Variants in MDGA2 observed in about 807,000 individuals in gnomAD.
The protein encoded by MDGA2 is MAM domain containing glycosylphosphatidylinositol anchor 2, also known as MAM domain-containing glycosylphosphatidylinositol anchor protein 2.
In MDGA2, 40 loss-of-function variants were observed where a neutral mutation model predicts 117.8. The observed-to-expected ratio is 0.34, with a 90% confidence interval of 0.26 to 0.44. The LOEUF is 0.44. Ranked by LOEUF, MDGA2 falls within the 20% of genes least tolerant of loss-of-function variation. The pLI is 1.00. For missense variants in MDGA2, 1,123 were observed against 1,250.6 expected (o/e 0.90, Z 1.54); for synonymous variants, 452 against 439.0 (o/e 1.03, Z -0.37).
intron 3 of MDGA2, 32 bp downstream of exon 3, chr14:47,217,989 C>G: frequency 6.8e-7 from 1 of 1,465,640 alleles, no homozygotes; most frequent in Non-Finnish European, 9.1e-7. Context: ...CCATAATAGG[C>G]TTAATTATAG....
chr14:47,164,343 A>G (rs1042002681), intron 3 of MDGA2, among the ~76,000 whole-genome samples: 1 of 152,116 alleles, frequency 6.6e-6, no homozygotes, highest in African/African-American at 2.4e-5. Flanking sequence ...AATTTTTACA[A>G]TCTCCTCATC....
intron 8 of MDGA2, among the ~76,000 whole-genome samples, chr14:46,982,661 A>G (rs2138389462): frequency 7.3e-6 from 1 of 136,830 alleles, no homozygotes. Flanking sequence ...ATGAGCCGAG[A>G]TCACGCCACT....
At position 47,010,657 on chromosome 14, in the gene MDGA2, G is replaced by A. The variant is rs1247188651; in HGVS notation, c.1819+24354C>T. On this transcript the variant is annotated intron_variant, in intron 8 of 16. Transcript: ENST00000399232. ...AAATTTTGCATTGTATTGTTGACTCGCCTAAGTGTCCCCACAAAATGTCAT... is the reference window on the plus strand; with the variant it reads ...AAATTTTGCATTGTATTGTTGACTCACCTAAGTGTCCCCACAAAATGTCAT... 6.6e-5 allele frequency among the ~76,000 whole-genome samples: 10 copies of A among 151,940 alleles called. 1 individual carries two copies. In the South Asian group the frequency reaches 8.3e-4, roughly 13 times the overall value.
intron 7 of MDGA2, among the ~76,000 whole-genome samples, chr14:47,058,342 C>A (rs1039721211): frequency 6.6e-6 from 1 of 152,126 alleles, no homozygotes; most frequent in Non-Finnish European, 1.5e-5. Context: ...CAGCTACTGA[C>A]CATTTGGTCA....
intron 1 of MDGA2, among the ~76,000 whole-genome samples, chr14:47,312,334 G>A (rs1350551891): frequency 1.3e-5 from 2 of 151,980 alleles, no homozygotes; most frequent in East Asian, 3.9e-4. Flanking sequence ...AGGCTCCCAG[G>A]GCTGAGCCTC....
At chr14:47,066,122 A>G (rs1488925973) in intron 6 of MDGA2, among the ~76,000 whole-genome samples, 1 of 152,200 alleles carries the variant, frequency 6.6e-6, no homozygotes, top group African/African-American at 2.4e-5. Context: ...AGTAAACGAT[A>G]GTATGTATAA....
chr14:47,489,283 A>T (rs560946119), intron 1 of MDGA2, among the ~76,000 whole-genome samples: 1 of 152,118 alleles, frequency 6.6e-6, no homozygotes, highest in Non-Finnish European at 1.5e-5. Context: ...CAAATTTATA[A>T]ATGAAATTCA....
At chr14:47,217,128 A>G (rs1001151620) in intron 3 of MDGA2, among the ~76,000 whole-genome samples, 3 of 152,136 alleles carry the variant, frequency 2.0e-5, no homozygotes, top group Admixed American at 6.6e-5. Context: ...GCCCCTTGCT[A>G]ACTAGGTAAC....
intron 1 of MDGA2, among the ~76,000 whole-genome samples, chr14:47,513,685 T>C (rs922858824): frequency 6.6e-6 from 1 of 152,084 alleles, no homozygotes; most frequent in African/African-American, 2.4e-5. Flanking sequence ...GAACCATAAA[T>C]AAATGATAGC....
intron 2 of MDGA2, among the ~76,000 whole-genome samples, chr14:47,287,169 C>T (rs1461891418): frequency 2.0e-5 from 3 of 151,898 alleles, no homozygotes; most frequent in Non-Finnish European, 4.4e-5. Context: ...TGTTTGACTC[C>T]AAAGCCTATA....
chr14:47,085,913 A>G (rs1233827411), intron 6 of MDGA2, among the ~76,000 whole-genome samples: 3 of 152,106 alleles, frequency 2.0e-5, no homozygotes, highest in African/African-American at 7.2e-5. Flanking sequence ...AATTAAAGAG[A>G]AAGTAACACT....
At chr14:47,520,974 C>A (rs761606977) in intron 1 of MDGA2, among the ~76,000 whole-genome samples, 1 of 152,116 alleles carries the variant, frequency 6.6e-6, no homozygotes, top group Non-Finnish European at 1.5e-5. Flanking sequence ...AATTTTATTT[C>A]TTTTCTAATG....
chr14:47,272,986 T>C (rs1317139875), intron 2 of MDGA2, among the ~76,000 whole-genome samples: 1 of 152,114 alleles, frequency 6.6e-6, no homozygotes, highest in Non-Finnish European at 1.5e-5. Flanking sequence ...AGTGATTTTT[T>C]ACTCTAAGGA....
chr14:47,087,460 CAAAAA>C (rs749371957), intron 6 of MDGA2, among the ~76,000 whole-genome samples: 1 of 67,968 alleles, frequency 1.5e-5, no homozygotes, highest in African/African-American at 5.5e-5. Context: ...GACTCCACAT[CAAAAA>C]AAAAAAAAAA....
intron 12 of MDGA2, 80 bp downstream of exon 12, chr14:46,877,409 A>G: frequency 1.3e-6 from 1 of 799,420 alleles, no homozygotes; most frequent in South Asian, 2.2e-5. Flanking sequence ...TAGTTACTAA[A>G]CAATTTTTGT....
chr14:47,542,100 G>A (rs1895365013), intron 1 of MDGA2, among the ~76,000 whole-genome samples: 1 of 152,136 alleles, frequency 6.6e-6, no homozygotes, highest in African/African-American at 2.4e-5. Context: ...AAGACACAAA[G>A]ATAGGAAAAC....
chr14:47,404,190 C>CTT (rs34502521), intron 1 of MDGA2, among the ~76,000 whole-genome samples: 2 of 147,258 alleles, frequency 1.4e-5, no homozygotes, highest in Admixed American at 6.8e-5. Flanking sequence ...TAATACCAAC[C>CTT]TTTTTTTTTT....
chr14:47,214,907 C>A (rs993087040), intron 3 of MDGA2, among the ~76,000 whole-genome samples: 15 of 152,064 alleles, frequency 9.9e-5, no homozygotes, highest in Non-Finnish European at 2.1e-4. Flanking sequence ...GATTATGGGG[C>A]AGATTTTAGA....
intron 10 of MDGA2, 21 bp downstream of exon 10, chr14:46,919,991 G>C (rs770879734): frequency 6.5e-7 from 1 of 1,549,174 alleles, no homozygotes; most frequent in South Asian, 1.3e-5. Context: ...AAGAAAAAAG[G>C]ACATCAGTTA....
Sources: allele counts gnomAD v4.1 joint callset (sites outside exome capture counted in the v4.1 genomes callset), GRCh38; gene constraint gnomAD v4.1.1; transcripts MANE v1.5; gene names NCBI Gene and HGNC (gene_info 2026-07-23, HGNC 2026-07-21).